The following VWA8 variants were observed in gnomAD, a reference collection of about 807,000 sequenced individuals.
VWA8 encodes von Willebrand factor A domain-containing protein 8.
In VWA8, 221 loss-of-function variants were observed where a neutral mutation model predicts 241.5. The observed-to-expected ratio is 0.91, with a 90% confidence interval of 0.82 to 1.02. The LOEUF (loss-of-function observed/expected upper bound fraction) is 1.02, where lower values mean the gene tolerates loss of function less well. Among genes scored for constraint, VWA8 ranks in the 50% least tolerant of loss-of-function variants. The pLI is 0.00. For missense variants in VWA8, 2,322 were observed against 2,328.7 expected (o/e 1.00, Z 0.06); for synonymous variants, 852 against 827.1 (o/e 1.03, Z -0.52).
chr13:41,828,295 G>T (rs1871266473), intron 14 of VWA8, among the ~76,000 whole-genome samples: 2 of 152,108 alleles, frequency 1.3e-5, no homozygotes, highest in African/African-American at 4.8e-5. Context: ...ATCTTTTACG[G>T]GATTTAAATG....
Position 41,689,372 on chromosome 13 carries a change from A to G in VWA8, c.4113T>C (p.Val1371=). The change falls in exon 34 of 45, where the codon GTT becomes GTC. Residue 1371 remains valine (V), a synonymous_variant. Coordinates refer to ENST00000379310, the MANE Select transcript of VWA8 (RefSeq NM_015058.2). ...TGCTTACCATGAGATCTGGAAAACC[A>G]ACAACTATTGTAGCATAATTTTTCT... ...SDEKNYATIV[V]GFPDLMSPSE... is the part of the protein sequence containing the mutation. The G allele has an allele frequency of 6.2e-7, 1 of 1,609,284 alleles. No homozygotes were observed. Among genetic ancestry groups the G allele is most frequent in the Non-Finnish European group, 8.5e-7 (1 of 1,178,194 alleles).
intron 40 of VWA8, among the ~76,000 whole-genome samples, chr13:41,600,215 G>A (rs2044512463): frequency 1.3e-5 from 2 of 152,026 alleles, no homozygotes; most frequent in Admixed American, 6.6e-5. Flanking sequence ...CCTGACGTGG[G>A]GTTTTCAATA....
At chr13:41,920,233 A>C (rs1201077871) in intron 2 of VWA8, among the ~76,000 whole-genome samples, 1 of 152,086 alleles carries the variant, frequency 6.6e-6, no homozygotes, top group African/African-American at 2.4e-5. Flanking sequence ...CTAGGTCCCA[A>C]ATTGCAGCTG....
chr13:41,733,228 T>C (rs1341356699), intron 21 of VWA8, among the ~76,000 whole-genome samples: 2 of 152,198 alleles, frequency 1.3e-5, no homozygotes, highest in Non-Finnish European at 2.9e-5. Context: ...AAGGAATAAA[T>C]AGCACTTGAC....
chr13:41,611,687 C>A lies in VWA8; in HGVS notation c.4766G>T (p.Arg1589Leu). ...AGLGGKGGPY[R>L]LDAGHTVYQV... is the part of the protein sequence containing the mutation. ...GTACACCGTATGGCCTGCATCCAGC[C>A]GGTAAGGGCCTCCTTTGCCACCCAG... Residue 1589 changes from arginine (R) to leucine (L), a missense_variant, in exon 39 of 45, where the codon CGG becomes CTG. Coordinates refer to ENST00000379310, the MANE Select transcript of VWA8 (RefSeq NM_015058.2). The A allele has an allele frequency of 1.2e-6, 2 of 1,614,078 alleles. No individual in the cohort carries two copies. The highest frequency in any genetic ancestry group is 2.7e-5 in the African/African-American group (2 of 75,034).
rs543780527 is a variant in VWA8, at chr13:41,908,756, T to A, written c.373-1060A>T. 2.0e-5 allele frequency among the ~76,000 whole-genome samples: 3 copies of A among 152,348 alleles called. No homozygotes were observed. In the South Asian group the frequency reaches 6.2e-4, roughly 32 times the overall value. On this transcript the variant is annotated intron_variant, in intron 3 of 44. Transcript: ENST00000379310. ...CCCTATAATCATGTACAAAAAGTTT[T>A]TAACATTATCTTTGGTTTTACAATG...
intron 40 of VWA8, among the ~76,000 whole-genome samples, chr13:41,601,868 G>A (rs767273640): frequency 5.3e-5 from 8 of 152,122 alleles, no homozygotes; most frequent in Non-Finnish European, 1.0e-4. Flanking sequence ...GAGTGGGCCT[G>A]AGGCTGTGCT....
chr13:41,814,624 G>C lies in VWA8; in HGVS notation c.1947+2074C>G, dbSNP rs531428326. 4.6e-5 allele frequency among the ~76,000 whole-genome samples: 7 copies of C among 152,238 alleles called. No homozygotes were observed. The South Asian group carries it at 1.5e-3, about 32-fold the overall frequency. On this transcript the variant is annotated intron_variant, in intron 16 of 44. Coordinates refer to ENST00000379310, the MANE Select transcript of VWA8 (RefSeq NM_015058.2). ...AGGCAAAGAGAGTCAATCCCTTAAC[G>C]GTTTTAAACAAGGGGAAGAACTTAG... is the stretch of plus-strand genomic sequence containing the variant.
chr13:41,901,736 C>T (rs532478776), intron 4 of VWA8, among the ~76,000 whole-genome samples: 7 of 150,944 alleles, frequency 4.6e-5, no homozygotes, highest in East Asian at 2.0e-4. Context: ...TGTGATGGTG[C>T]GCACCTGTAG....
chr13:41,829,990 C>T (rs1871362640), intron 14 of VWA8, among the ~76,000 whole-genome samples: 2 of 152,128 alleles, frequency 1.3e-5, no homozygotes, highest in Admixed American at 1.3e-4. Context: ...CGCCTGTAAT[C>T]CCAGCACTTT....
At chr13:41,772,420 T>C (rs926293871) in intron 20 of VWA8, among the ~76,000 whole-genome samples, 2 of 151,522 alleles carry the variant, frequency 1.3e-5, no homozygotes, top group African/African-American at 2.4e-5. Context: ...TTTTTGTTAA[T>C]TGGAAAGTCA....
At chr13:41,729,496 A>G in intron 23 of VWA8, 46 bp downstream of exon 23, 1 of 1,573,140 alleles carries the variant, frequency 6.4e-7, no homozygotes, top group Non-Finnish European at 8.6e-7. Flanking sequence ...ACAGAGATAT[A>G]AACATTGTAT....
At chr13:41,856,261 G>A (rs965624355) in intron 12 of VWA8, among the ~76,000 whole-genome samples, 6 of 152,088 alleles carry the variant, frequency 3.9e-5, no homozygotes, top group Admixed American at 6.5e-5. Flanking sequence ...ATTTGAATCC[G>A]GGAGGCAGAC....
chr13:41,894,332 G>GT (rs1360305075), intron 4 of VWA8, among the ~76,000 whole-genome samples: 9 of 151,968 alleles, frequency 5.9e-5, no homozygotes, highest in Non-Finnish European at 1.2e-4. Context: ...AATACACAAG[G>GT]TTTTTTTTCC....
intron 2 of VWA8, chr13:41,926,877 G>C: frequency 1.7e-6 from 1 of 577,916 alleles, no homozygotes; most frequent in Non-Finnish European, 3.5e-6. Context: ...AAAAGCTGTT[G>C]AATGCCCTCT....
intron 12 of VWA8, among the ~76,000 whole-genome samples, chr13:41,847,418 C>G (rs954005906): frequency 1.3e-5 from 2 of 152,128 alleles, no homozygotes; most frequent in African/African-American, 4.8e-5. Context: ...ATATTCCAGT[C>G]TGATGACACA....
chr13:41,915,578 T>C (rs1876211379), intron 2 of VWA8, among the ~76,000 whole-genome samples: 1 of 152,238 alleles, frequency 6.6e-6, no homozygotes, highest in Non-Finnish European at 1.5e-5. Flanking sequence ...AAGGCCTCTG[T>C]TGCCTGCACA....
At chr13:41,848,125 C>T (rs1230007836) in intron 12 of VWA8, among the ~76,000 whole-genome samples, 1 of 152,084 alleles carries the variant, frequency 6.6e-6, no homozygotes, top group Non-Finnish European at 1.5e-5. Context: ...GTGCCATGTT[C>T]CAGTACTTGA....
intron 3 of VWA8, among the ~76,000 whole-genome samples, chr13:41,911,803 G>A (rs1331075019): frequency 1.3e-5 from 2 of 152,168 alleles, no homozygotes; most frequent in East Asian, 3.8e-4. Flanking sequence ...TACTGGAAGT[G>A]GGGGACTTTC....
Sources: gnomAD v4.1 joint callset for allele counts (sites outside exome capture counted in the v4.1 genomes callset) on GRCh38, gnomAD v4.1.1 for gene constraint, MANE v1.5 for transcripts, NCBI Gene and HGNC (gene_info 2026-07-23, HGNC 2026-07-21) for gene names.